The following ANKRD27 variants were observed in gnomAD, a reference collection of about 807,000 sequenced individuals.
ANKRD27 encodes ankyrin repeat domain-containing protein 27.
A neutral mutation model predicts 129.7 loss-of-function variants in ANKRD27; 112 were observed. The ratio of observed to expected loss-of-function variants is 0.86; its 90% CI spans 0.74 to 1.01. ANKRD27 has a LOEUF of 1.01. Ranked by LOEUF, ANKRD27 falls within the 50% of genes least tolerant of loss-of-function variation. ANKRD27 has a pLI of 0.00. For missense variants in ANKRD27, 1,258 were observed against 1,300.5 expected, an observed-to-expected ratio of 0.97 and a Z score of 0.50; for synonymous variants, 516 against 511.2, an observed-to-expected ratio of 1.01 and a Z score of -0.13.
chr19:32,607,637 GA>G lies in ANKRD27; in HGVS notation c.2370del (p.Gln791ArgfsTer3), dbSNP rs1225740595. On this transcript the variant is annotated frameshift_variant, in exon 23 of 29. Transcript: ENST00000306065. LOFTEE classifies it high-confidence loss of function. ...CACCCCCAACACACAGCCCGAACCT[GA>G]AAGTGGCCCTGCTGGCAGGCCAGGT... is the stretch of plus-strand genomic sequence containing the variant. ...PLHLACQQGH[F>X]QVVKCLLDSN... 6.2e-7 allele frequency: 1 copy of G among 1,611,030 alleles called. No individual in the cohort carries two copies. Among genetic ancestry groups the G allele is most frequent in the Admixed American group, 1.7e-5 (1 of 59,890 alleles).
At chr19:32,664,756 C>T (rs537730539) in intron 1 of ANKRD27, among the ~76,000 whole-genome samples, 24 of 150,666 alleles carry the variant, frequency 1.6e-4, no homozygotes, top group East Asian at 9.7e-4. Flanking sequence ...TCCACGAGTT[C>T]GAGAAAAGCC....
chr19:32,643,294 G>T lies in ANKRD27; in HGVS notation c.698C>A (p.Ala233Glu), dbSNP rs1287420780. ...LIFKYVGTME[A>E]SEDAAFNKIT... ...TAATAACTGAGAACCTACCTCACTTGCCTCCATGGTCCCCACGTATTTAAA... is the reference window on the plus strand; with the variant it reads ...TAATAACTGAGAACCTACCTCACTTTCCTCCATGGTCCCCACGTATTTAAA... The change falls in exon 8 of 29, where the codon GCA becomes GAA. Residue 233 changes from alanine (A) to glutamate (E), a missense_variant. Coordinates refer to ENST00000306065, the MANE Select transcript of ANKRD27 (RefSeq NM_032139.3). 5 of 1,614,002 alleles carry T rather than the reference G, an allele frequency of 3.1e-6. No homozygotes were observed. In the South Asian group the frequency reaches 5.5e-5, roughly 18 times the overall value.
At chr19:32,651,170 C>G in intron 2 of ANKRD27, among the ~76,000 whole-genome samples, 1 of 152,254 alleles carries the variant, frequency 6.6e-6, no homozygotes, top group South Asian at 2.1e-4. Context: ...AGTGGCCTCA[C>G]CACTGCAGTT....
At chr19:32,646,657 A>C in intron 3 of ANKRD27, 42 bp from the exon 4 acceptor site, 1 of 1,595,470 alleles carries the variant, frequency 6.3e-7, no homozygotes, top group Non-Finnish European at 8.5e-7. Context: ...AGCCGGGGCA[A>C]CCACATCCCA....
chr19:32,659,007 C>T lies in ANKRD27; in HGVS notation c.9G>A (p.Leu3=). 6.2e-7 allele frequency: 1 copy of T among 1,613,664 alleles called. No homozygotes were observed. Among genetic ancestry groups the T allele is most frequent in the African/African-American group, 1.3e-5 (1 of 74,990 alleles). The change falls in exon 2 of 29, where the codon CTG becomes CTA. Residue 3 remains leucine, a synonymous_variant. Transcript: ENST00000306065. ...GATTTTTCAGGAGGTCTTCATCATA[C>T]AGAGCCATATGGACTTCAGATGGGT... MA[L]YDEDLLKNPF... is the part of the protein sequence containing the mutation.
intron 3 of ANKRD27, among the ~76,000 whole-genome samples, chr19:32,648,864 G>T (rs1283016726): frequency 1.3e-5 from 2 of 151,654 alleles, no homozygotes; most frequent in Admixed American, 1.3e-4. Flanking sequence ...AAACCAATGT[G>T]GCAAGAATGT....
chr19:32,607,817 G>A lies in ANKRD27; in HGVS notation c.2191C>T (p.Pro731Ser). ...ACGTTCACACCAAGCCCACTGGCAG[G>A]AACCTTCGCCAGCCTCTGGGAAGCG... ...APAQKRLAKV[P>S]ASGLGVNVTS... The change falls in exon 23 of 29, where the codon CCT (proline) becomes TCT (serine). Residue 731 changes from proline to serine, a missense_variant. Transcript: ENST00000306065. The A allele has an allele frequency of 6.2e-7, 1 of 1,601,048 alleles. No homozygotes were observed. The highest frequency in any genetic ancestry group is 8.5e-7 in the Non-Finnish European group (1 of 1,175,254).
At chr19:32,660,386 T>C (rs751379667) in intron 1 of ANKRD27, among the ~76,000 whole-genome samples, 47 of 151,900 alleles carry the variant, frequency 3.1e-4, no homozygotes, top group Non-Finnish European at 5.9e-4. Context: ...CTACTGAAAA[T>C]ACAAAAATTA....
intron 1 of ANKRD27, among the ~76,000 whole-genome samples, chr19:32,674,677 C>T (rs2145335711): frequency 6.6e-6 from 1 of 152,190 alleles, no homozygotes; most frequent in African/African-American, 2.4e-5. Flanking sequence ...CCCCCACCCG[C>T]CGCTCCCCTC....
intron 15 of ANKRD27, 141 bp from the exon 16 acceptor site, chr19:32,626,968 C>A: frequency 1.7e-6 from 1 of 590,580 alleles, no homozygotes; most frequent in South Asian, 2.2e-5. Flanking sequence ...TAGAGAGGAA[C>A]TACAGCTAAT....
chr19:32,608,632 C>T lies in ANKRD27; in HGVS notation c.2176-800G>A, dbSNP rs573999455. Among the ~76,000 whole-genome samples, 3 of 152,186 alleles carry T rather than the reference C, an allele frequency of 2.0e-5. No homozygotes were observed. In the East Asian group the frequency reaches 5.8e-4, roughly 29 times the overall value. ...ACATACACACACTAAATGAAATACCCTGCATATTTATCAGAATGGCTAAAG... is the reference window on the plus strand; with the variant it reads ...ACATACACACACTAAATGAAATACCTTGCATATTTATCAGAATGGCTAAAG... On this transcript the variant is annotated intron_variant, in intron 22 of 28. Coordinates refer to ENST00000306065, the MANE Select transcript of ANKRD27 (RefSeq NM_032139.3).
intron 1 of ANKRD27, chr19:32,672,768 G>C (rs1013264011): frequency 6.6e-6 from 1 of 152,308 alleles, no homozygotes; most frequent in African/African-American, 2.4e-5. Context: ...GGACCACAGG[G>C]AGAAGAACCA....
chr19:32,660,135 T>C (rs746093464), intron 1 of ANKRD27, among the ~76,000 whole-genome samples: 1 of 152,210 alleles, frequency 6.6e-6, no homozygotes, highest in Admixed American at 6.5e-5. Context: ...GTCTGTGCTA[T>C]GGTCTAAATG....
intron 21 of ANKRD27, 143 bp downstream of exon 21, chr19:32,617,446 C>CTGAGGCAAGAGGATTGCT (rs1167418034): frequency 2.1e-6 from 1 of 465,972 alleles, no homozygotes; most frequent in African/African-American, 2.0e-5. Context: ...ATTCAAGAGG[C>CTGAGGCAAGAGGATTGCT]TGAGGCAAGA....
At chr19:32,644,634 T>G (rs2302965) in intron 4 of ANKRD27, among the ~76,000 whole-genome samples, 155 bp from the exon 5 acceptor site, 7,439 of 152,106 alleles carry the variant, frequency 0.049, 549 homozygotes, top group African/African-American at 0.15. Flanking sequence ...CACCCTGGAG[T>G]CCAGAGAGCC....
Position 32,628,596 on chromosome 19 carries a change from A to C in ANKRD27, c.1337+126T>G, listed in dbSNP as rs1196685207. 3 of 1,246,476 alleles carry C rather than the reference A, an allele frequency of 2.4e-6. No homozygotes were observed. In the African/African-American group the frequency reaches 4.5e-5, roughly 19 times the overall value. The allele number at this position is 1,246,476 out of a possible 1,614,324, so 77.2% of individuals were successfully genotyped here. A position where few individuals can be genotyped will look rare whatever the true frequency, so the allele number is the denominator to read the frequency against. On this transcript the variant is annotated intron_variant, in intron 14 of 28. Coordinates refer to ENST00000306065, the MANE Select transcript of ANKRD27 (RefSeq NM_032139.3). ...GCAGCTGTTATCATCTCCACTGTAC[A>C]GCAGAGGCAGCTGGGGGGCAGGGAG... is the stretch of plus-strand genomic sequence containing the variant.
At position 32,611,728 on chromosome 19, in the gene ANKRD27, T is replaced by G. The variant is rs1350533486; in HGVS notation, c.2176-3896A>C. Among the ~76,000 whole-genome samples, 15 of 152,102 alleles carry G rather than the reference T, an allele frequency of 9.9e-5. No homozygotes were observed. The South Asian group carries it at 3.1e-3, about 32-fold the overall frequency. On this transcript the variant is annotated intron_variant, in intron 22 of 28. Transcript: ENST00000306065. ...TCCCGAGTAGCTGGGATTACAGGCA[T>G]GCACCACCACGGCCAGCTAATTTTG...
chr19:32,628,230 A>T, intron 14 of ANKRD27, 65 bp from the exon 15 acceptor site: 1 of 1,377,632 alleles, frequency 7.3e-7, no homozygotes, highest in South Asian at 1.2e-5. Flanking sequence ...CTCCCTGACC[A>T]GGTAGATAGG....
At chr19:32,673,390 G>A (rs1258356246) in intron 1 of ANKRD27, 1 of 985,356 alleles carries the variant, frequency 1.0e-6, no homozygotes, top group Non-Finnish European at 1.2e-6. Context: ...ACTCACGCCT[G>A]TCCACCAGCA....
Sources: gnomAD v4.1 joint callset for allele counts (sites outside exome capture counted in the v4.1 genomes callset) on GRCh38, gnomAD v4.1.1 for gene constraint, MANE v1.5 for transcripts, NCBI Gene and HGNC (gene_info 2026-07-23, HGNC 2026-07-21) for gene names.